The following PTPN4 variants were observed in gnomAD, a reference collection of about 807,000 sequenced individuals.
PTPN4 encodes tyrosine-protein phosphatase non-receptor type 4.
In PTPN4, 49 loss-of-function variants were observed where a neutral mutation model predicts 135.5. That is an observed-to-expected ratio of 0.36 (90% CI 0.29 to 0.46). The LOEUF (loss-of-function observed/expected upper bound fraction) is 0.46, where lower values mean the gene tolerates loss of function less well. PTPN4 is among the 20% of genes least tolerant of loss of function. The pLI is 1.00. For missense variants in PTPN4, 860 were observed against 1,101.0 expected, an observed-to-expected ratio of 0.78 and a Z score of 3.10; for synonymous variants, 333 against 369.9, an observed-to-expected ratio of 0.90 and a Z score of 1.14.
At chr2:119,829,144 A>C (rs1677185278) in intron 2 of PTPN4, among the ~76,000 whole-genome samples, 1 of 152,140 alleles carries the variant, frequency 6.6e-6, no homozygotes, top group Non-Finnish European at 1.5e-5. Context: ...TCTCATGCTG[A>C]AATCTCCTAC....
chr2:119,917,905 A>G (rs1558763799), intron 11 of PTPN4, among the ~76,000 whole-genome samples: 1 of 152,210 alleles, frequency 6.6e-6, no homozygotes, highest in Non-Finnish European at 1.5e-5. Context: ...TTGGGCAAGA[A>G]AAATTTTTGT....
intron 2 of PTPN4, 135 bp from the exon 3 acceptor site, chr2:119,862,401 T>C: frequency 4.4e-6 from 3 of 685,532 alleles, no homozygotes; most frequent in Middle Eastern, 3.0e-4. Flanking sequence ...AAGGCCTGAT[T>C]TTTCACACAA....
At chr2:119,957,345 A>G (rs1254593068) in intron 22 of PTPN4, among the ~76,000 whole-genome samples, 1 of 152,186 alleles carries the variant, frequency 6.6e-6, no homozygotes, top group Non-Finnish European at 1.5e-5. Flanking sequence ...CATTGGAGAT[A>G]GACTATCCAG....
intron 1 of PTPN4, among the ~76,000 whole-genome samples, chr2:119,803,288 T>C (rs1448885636): frequency 1.3e-5 from 2 of 152,288 alleles, no homozygotes; most frequent in East Asian, 3.9e-4. Context: ...TTGAGACATT[T>C]CCTGTTTTCT....
chr2:119,936,336 A>G (rs1007877423), intron 15 of PTPN4, among the ~76,000 whole-genome samples: 16 of 151,956 alleles, frequency 1.1e-4, no homozygotes, highest in African/African-American at 3.9e-4. Flanking sequence ...CAAACCCCCA[A>G]ATCACTTGCT....
chr2:119,844,498 G>C (rs1385018320), intron 2 of PTPN4, among the ~76,000 whole-genome samples: 1 of 147,938 alleles, frequency 6.8e-6, no homozygotes, highest in Non-Finnish European at 1.5e-5. Flanking sequence ...TTCTCAGACG[G>C]GGTGGTTGCC....
rs146789047 is a variant in PTPN4 at position 119,764,175 on chromosome 2, A to G, written c.-18+3791A>G. Among the ~76,000 whole-genome samples, 631 of 152,312 alleles carry G rather than the reference A, an allele frequency of 4.1e-3. 19 individuals carry two copies. The highest frequency in any genetic ancestry group is 0.037 in the Admixed American group (560 of 15,302). Reference sequence around the variant, plus strand: ...AGAAGCGTATGTATAAAGCACACATAAAGGATAGTGGATTATTCCCCACCT... The same window carrying G: ...AGAAGCGTATGTATAAAGCACACATGAAGGATAGTGGATTATTCCCCACCT... On this transcript the variant is annotated intron_variant, in intron 1 of 26. Transcript: ENST00000263708.
intron 15 of PTPN4, among the ~76,000 whole-genome samples, chr2:119,937,733 A>G (rs1408858347): frequency 2.0e-5 from 3 of 152,202 alleles, no homozygotes; most frequent in Admixed American, 6.5e-5. Flanking sequence ...ACACTCGAAT[A>G]TAACATTTTC....
At chr2:119,853,713 T>G (rs986433624) in intron 2 of PTPN4, among the ~76,000 whole-genome samples, 2 of 152,188 alleles carry the variant, frequency 1.3e-5, no homozygotes, top group Non-Finnish European at 2.9e-5. Flanking sequence ...CATTTATTCT[T>G]AAAGAGAAGA....
At chr2:119,900,572 AT>A (rs940167206) in intron 9 of PTPN4, 145 bp from the exon 10 acceptor site, 2 of 448,226 alleles carry the variant, frequency 4.5e-6, no homozygotes, top group Non-Finnish European at 8.0e-6. Context: ...AATAAGTACC[AT>A]TTGGGTTTCT....
chr2:119,952,059 G>T lies in PTPN4; in HGVS notation c.1743G>T (p.Gln581His), dbSNP rs754628156. Residue 581 changes from glutamine to histidine, a missense_variant, in exon 19 of 27, where the codon CAG (glutamine) becomes CAT (histidine). Gln to His is a conservative substitution (Grantham distance 24, BLOSUM62 0). Transcript: ENST00000263708. ...GRDIAEHTHD[Q>H]VVLFIKASCE... The stretch of plus-strand genomic sequence containing the variant: ...ACATTGCAGAACACACTCATGATCA[G>T]GTTGTGCTGTTTATTAAAGCTAGTT... The T allele has an allele frequency of 6.2e-7, 1 of 1,613,484 alleles. No homozygotes were observed.
At chr2:119,870,621 T>C (rs1677896507) in intron 3 of PTPN4, among the ~76,000 whole-genome samples, 1 of 152,134 alleles carries the variant, frequency 6.6e-6, no homozygotes, top group Admixed American at 6.5e-5. Context: ...GTTCTTAGTA[T>C]CGATATAAGT....
At chr2:119,905,290 G>A (rs913470985) in intron 10 of PTPN4, among the ~76,000 whole-genome samples, 6 of 152,194 alleles carry the variant, frequency 3.9e-5, no homozygotes, top group African/African-American at 1.4e-4. Context: ...TAAATGTAAA[G>A]GGAAGGAAAA....
intron 2 of PTPN4, among the ~76,000 whole-genome samples, chr2:119,857,179 G>A (rs996930148): frequency 6.6e-6 from 1 of 151,810 alleles, no homozygotes; most frequent in Non-Finnish European, 1.5e-5. Flanking sequence ...TGCCTCCCGG[G>A]TTCAAGGAAT....
intron 9 of PTPN4, among the ~76,000 whole-genome samples, chr2:119,888,050 GT>G (rs1678185291): frequency 6.6e-6 from 1 of 152,036 alleles, no homozygotes. Context: ...TTTCATCAGT[GT>G]TTTGTAGTTT....
chr2:119,943,942 A>G (rs903154913), intron 15 of PTPN4, among the ~76,000 whole-genome samples: 1 of 151,684 alleles, frequency 6.6e-6, no homozygotes. Context: ...TTCCACTTCT[A>G]CCCACATGTC....
At chr2:119,865,648 C>G (rs1677823704) in intron 3 of PTPN4, among the ~76,000 whole-genome samples, 1 of 151,912 alleles carries the variant, frequency 6.6e-6, no homozygotes, top group Non-Finnish European at 1.5e-5. Flanking sequence ...TATCAGTGAT[C>G]CAAAGGAATT....
chr2:119,847,256 A>G (rs1034121334), intron 2 of PTPN4, among the ~76,000 whole-genome samples: 23 of 147,414 alleles, frequency 1.6e-4, no homozygotes, highest in African/African-American at 5.4e-4. Flanking sequence ...CAGTTAAGAA[A>G]AAAAGGAGAT....
chr2:119,782,687 G>GTTAGGCTA (rs1211024458), intron 1 of PTPN4, among the ~76,000 whole-genome samples: 1 of 150,450 alleles, frequency 6.6e-6, no homozygotes, highest in Non-Finnish European at 1.5e-5. Flanking sequence ...AGACCCCTGT[G>GTTAGGCTA]TTAGGCTATG....
Sources: gnomAD v4.1 joint callset for allele counts (sites outside exome capture counted in the v4.1 genomes callset) on GRCh38, gnomAD v4.1.1 for gene constraint, MANE v1.5 for transcripts, NCBI Gene and HGNC (gene_info 2026-07-23, HGNC 2026-07-21) for gene names.